The following ISL1 variants were observed in gnomAD, a reference collection of about 807,000 sequenced individuals.
ISL1 encodes the protein ISL LIM homeobox 1.
In ISL1, 4 loss-of-function variants were observed where a neutral mutation model predicts 35.3. The ratio of observed to expected loss-of-function variants is 0.11; its 90% CI spans 0.06 to 0.26. The LOEUF is 0.26. Ranked by LOEUF, ISL1 falls within the 10% of genes least tolerant of loss-of-function variation. ISL1 has a pLI of 1.00. For synonymous variants in ISL1, 186 were observed against 172.3 expected (o/e 1.08, Z -0.62); for missense variants, 340 against 472.8 (o/e 0.72, Z 2.60).
In ISL1 at chr5:51,387,392, G is replaced by C. The variant is rs1460805523; in HGVS notation, c.219-98G>C. On this transcript the variant is annotated intron_variant, in intron 2 of 5. Transcript: ENST00000230658. The surrounding 1 kb of genome is among the most constrained non-coding windows in gnomAD (Gnocchi z 4.3). Reference sequence around the variant, plus strand: ...CTGTTTACTTGGGGCGTCTTGCCCGGGATCTTGGGCCAGGGAAGTGCCGGC... The same window carrying C: ...CTGTTTACTTGGGGCGTCTTGCCCGCGATCTTGGGCCAGGGAAGTGCCGGC... The C allele has an allele frequency of 2.0e-5, 28 of 1,365,954 alleles. No individual in the cohort carries two copies. The highest frequency in any genetic ancestry group is 2.9e-5 in the Non-Finnish European group (28 of 974,598). The allele number at this position is 1,365,954 out of a possible 1,614,324, so 84.6% of individuals were successfully genotyped here. A position where few individuals can be genotyped will look rare whatever the true frequency, so the allele number is the denominator to read the frequency against.
intron 1 of ISL1, 41 bp downstream of exon 1, chr5:51,383,740 C>T (rs753137732): frequency 6.4e-7 from 1 of 1,572,774 alleles, no homozygotes; most frequent in Non-Finnish European, 8.8e-7. Context: ...GTGTGCTGTT[C>T]TTGTGCGGGG....
At chr5:51,384,273 G>A (rs1747286188) in intron 1 of ISL1, among the ~76,000 whole-genome samples, 1 of 151,612 alleles carries the variant, frequency 6.6e-6, no homozygotes, top group Admixed American at 6.6e-5. Flanking sequence ...AAATGAGCGG[G>A]TTTGATTGCG....
In ISL1 at chr5:51,387,233, G is replaced by A. The variant is rs1747366108; in HGVS notation, c.219-257G>A. Among the ~76,000 whole-genome samples, 1 of 152,092 alleles carries A rather than the reference G, an allele frequency of 6.6e-6. No individual in the cohort carries two copies. Among genetic ancestry groups the A allele is most frequent in the Non-Finnish European group, 1.5e-5 (1 of 68,020 alleles). On this transcript the variant is annotated intron_variant, in intron 2 of 5. Transcript: ENST00000230658. The surrounding 1 kb of genome is among the most constrained non-coding windows in gnomAD (Gnocchi z 4.3). ...TTACCAACTAAGACAGAGGTTCATC[G>A]GAAAGGAAACGGGAGTAAAAGAAAG...
At chr5:51,391,526 G>A (rs1561208746) in intron 5 of ISL1, 85 bp downstream of exon 5, 2 of 1,500,174 alleles carry the variant, frequency 1.3e-6, no homozygotes, top group Non-Finnish European at 1.8e-6. Flanking sequence ...GATTCAGTGG[G>A]GAGGGTGCCT....
chr5:51,383,800 T>A, intron 1 of ISL1, 101 bp downstream of exon 1: 1 of 1,013,270 alleles, frequency 9.9e-7, no homozygotes, highest in Non-Finnish European at 1.6e-6. Context: ...GGAGTTGGAG[T>A]CATTGCCTGG....
chr5:51,384,451 A>G, intron 1 of ISL1, 90 bp from the exon 2 acceptor site: 1 of 1,157,544 alleles, frequency 8.6e-7, no homozygotes, highest in Non-Finnish European at 1.3e-6. Context: ...AACCTCCCAG[A>G]GTACGCCCTA....
chr5:51,385,630 G>C (rs754092705), intron 2 of ISL1, among the ~76,000 whole-genome samples: 2 of 150,800 alleles, frequency 1.3e-5, no homozygotes, highest in Non-Finnish European at 3.0e-5. Context: ...CTAATCTCAA[G>C]TTTCCTCTGA....
intron 5 of ISL1, 90 bp from the exon 6 acceptor site, chr5:51,393,404 A>G: frequency 1.2e-6 from 1 of 805,194 alleles, no homozygotes; most frequent in Non-Finnish European, 2.2e-6. Context: ...ATCTACACAA[A>G]CATTTCTACA....
chr5:51,383,947 A>G (rs1479980326), intron 1 of ISL1, among the ~76,000 whole-genome samples: 1 of 152,158 alleles, frequency 6.6e-6, no homozygotes, highest in Non-Finnish European at 1.5e-5. Flanking sequence ...TTCTGGTGCT[A>G]AGCGGTGATT....
chr5:51,390,006 G>T (rs1747451011), intron 4 of ISL1, 74 bp downstream of exon 4: 1 of 1,517,482 alleles, frequency 6.6e-7, no homozygotes, highest in Non-Finnish European at 9.0e-7. Flanking sequence ...TTCCTGGTAC[G>T]CAGGATCGCA....
In ISL1 at chr5:51,384,614, G is replaced by A. The variant is rs550307044; in HGVS notation, c.102G>A (p.Pro34=). ...IHDQYILRVS[P]DLEWHAACLK... ...ATCAGTATATTCTGAGGGTTTCTCC[G>A]GATTTGGAATGGCATGCGGCATGTT... The change falls in exon 2 of 6, where the codon CCG becomes CCA. Residue 34 remains proline (P), a synonymous_variant. Coordinates refer to ENST00000230658, the MANE Select transcript of ISL1 (RefSeq NM_002202.3). 2.5e-6 allele frequency: 4 copies of A among 1,614,106 alleles called. No individual in the cohort carries two copies. In the South Asian group the frequency reaches 3.3e-5, roughly 13 times the overall value.
chr5:51,391,628 T>C (rs1240861952), intron 5 of ISL1, 187 bp downstream of exon 5: 1 of 645,312 alleles, frequency 1.5e-6, no homozygotes, highest in Non-Finnish European at 2.7e-6. Flanking sequence ...GGCATCTTTT[T>C]TTTTTTAATG....
At chr5:51,384,802 G>T in intron 2 of ISL1, 72 bp downstream of exon 2, 1 of 1,420,084 alleles carries the variant, frequency 7.0e-7, no homozygotes, top group Non-Finnish European at 9.9e-7. Context: ...TGTATTATTT[G>T]GTGTGGCTTT....
intron 1 of ISL1, 32 bp downstream of exon 1, chr5:51,383,731 T>C: frequency 6.3e-7 from 1 of 1,593,958 alleles, no homozygotes; most frequent in Non-Finnish European, 8.6e-7. Flanking sequence ...TGGGGCTCGG[T>C]GTGCTGTTCT....
chr5:51,389,607 G>T lies in ISL1; in HGVS notation c.479-39G>T, dbSNP rs1261179222. ...CGACCGCGGGCGGGCCGGCAAGCGAGCCTCCAGCCCAGCGCTCACGGCGCT... is the reference window on the plus strand; with the variant it reads ...CGACCGCGGGCGGGCCGGCAAGCGATCCTCCAGCCCAGCGCTCACGGCGCT... On this transcript the variant is annotated intron_variant, in intron 3 of 5. Coordinates refer to ENST00000230658, the MANE Select transcript of ISL1 (RefSeq NM_002202.3). This position sits in a 1 kb window ranked among gnomAD's most constrained non-coding sequence, Gnocchi z 5.0. 7.3e-6 allele frequency: 11 copies of T among 1,508,840 alleles called. No individual in the cohort carries two copies. The highest frequency in any genetic ancestry group is 2.4e-4 in the Middle Eastern group (1 of 4,198). The allele number at this position is 1,508,840 out of a possible 1,614,324, so 93.5% of individuals were successfully genotyped here. A position where few individuals can be genotyped will look rare whatever the true frequency, so the allele number is the denominator to read the frequency against.
rs377352442 is a variant in ISL1 at position 51,384,055 on chromosome 5, G to A, written c.28+356G>A. Among the ~76,000 whole-genome samples, 81 of 152,186 alleles carry A rather than the reference G, an allele frequency of 5.3e-4. 2 individuals are homozygous for A. The South Asian group carries it at 0.012, about 22-fold the overall frequency. ...AGAGATGTGAATTAGCATTAGACTT[G>A]CAAAAGAGAACGAGTGACAACTGTA... On this transcript the variant is annotated intron_variant, in intron 1 of 5. Transcript: ENST00000230658.
rs887418239 is a variant in ISL1, at chr5:51,388,000, C to A, written c.478+251C>A. On this transcript the variant is annotated intron_variant, in intron 3 of 5. Transcript: ENST00000230658. The surrounding 1 kb of genome is among the most constrained non-coding windows in gnomAD (Gnocchi z 4.3). ...CTATATGGTTACACATAAATGTACA[C>A]CACTTGTGTACACGTGTATACACAC... Among the ~76,000 whole-genome samples the A allele has an allele frequency of 6.6e-6, 1 of 152,274 alleles. No individual in the cohort carries two copies. The highest frequency in any genetic ancestry group is 2.4e-5 in the African/African-American group (1 of 41,472).
At position 51,383,529 on chromosome 5, in the gene ISL1, C is replaced by A; in HGVS notation, c.-143C>A. The stretch of plus-strand genomic sequence containing the variant: ...CTCCTAGATCCGCGAGGGCGCGGCG[C>A]AGCCGAGCAGCGGCTCTTTCAGCAT... On this transcript the variant is annotated 5_prime_UTR_variant, in exon 1 of 6. Transcript: ENST00000230658. 1 of 777,056 alleles carries A rather than the reference C, an allele frequency of 1.3e-6. No homozygotes were observed. Among genetic ancestry groups the A allele is most frequent in the Non-Finnish European group, 2.3e-6 (1 of 432,288 alleles). 48.1% of individuals were successfully genotyped at this position (777,056 alleles called of 1,614,324 possible).
intron 2 of ISL1, 127 bp downstream of exon 2, chr5:51,384,857 T>A (rs1200587679): frequency 2.3e-6 from 2 of 866,748 alleles, no homozygotes; most frequent in Non-Finnish European, 3.9e-6. Flanking sequence ...CAAGCCAAAG[T>A]TACCCTGTAC....
Sources: allele counts gnomAD v4.1 joint callset (sites outside exome capture counted in the v4.1 genomes callset), GRCh38; gene constraint gnomAD v4.1.1; non-coding constraint Gnocchi (gnomAD v3.1); transcripts MANE v1.5; gene names NCBI Gene and HGNC (gene_info 2026-07-23, HGNC 2026-07-21).